The following PTN variants were observed in gnomAD, a reference collection of about 807,000 sequenced individuals.
PTN encodes the protein pleiotrophin.
A neutral mutation model predicts 24.1 loss-of-function variants in PTN; 18 were observed. The observed-to-expected ratio is 0.75, with a 90% CI of 0.52 to 1.11. PTN has a LOEUF of 1.11. Among genes scored for constraint, PTN ranks in the 50% least tolerant of loss-of-function variants. The probability of loss-of-function intolerance (pLI) is 0.00; values close to 1 mark genes in which losing one functional copy is unlikely to be tolerated. For missense variants in PTN, 163 were observed against 198.8 expected, an observed-to-expected ratio of 0.82 and a Z score of 1.08; for synonymous variants, 78 against 68.6, an observed-to-expected ratio of 1.14 and a Z score of -0.67.
intron 1 of PTN, among the ~76,000 whole-genome samples, chr7:137,332,044 C>T (rs189355251): frequency 5.9e-5 from 9 of 152,222 alleles, no homozygotes; most frequent in African/African-American, 2.2e-4. Context: ...TTACCCATAC[C>T]GAGCTAAATA....
chr7:137,280,374 C>T (rs767032844), intron 1 of PTN, among the ~76,000 whole-genome samples: 9 of 151,680 alleles, frequency 5.9e-5, no homozygotes, highest in Middle Eastern at 6.3e-3. Context: ...AAAGCATTGT[C>T]AAAATATATT....
chr7:137,232,772 T>C (rs1012335910), intron 4 of PTN, among the ~76,000 whole-genome samples: 2 of 151,914 alleles, frequency 1.3e-5, no homozygotes, highest in Admixed American at 6.6e-5. Context: ...CAGGACCAGA[T>C]GGAGGTAATT....
At chr7:137,302,686 A>G (rs867609469) in intron 1 of PTN, among the ~76,000 whole-genome samples, 3 of 151,970 alleles carry the variant, frequency 2.0e-5, no homozygotes, top group African/African-American at 7.2e-5. Context: ...TTTGTTAAGA[A>G]CAATGTAATA....
At chr7:137,257,423 G>A (rs965225912) in intron 1 of PTN, among the ~76,000 whole-genome samples, 1 of 152,204 alleles carries the variant, frequency 6.6e-6, no homozygotes, top group African/African-American at 2.4e-5. Context: ...GGTGTGAATG[G>A]TAAAAGAAGC....
chr7:137,299,929 A>C (rs1176997543), intron 1 of PTN, among the ~76,000 whole-genome samples: 1 of 151,970 alleles, frequency 6.6e-6, no homozygotes, highest in Non-Finnish European at 1.5e-5. Flanking sequence ...CCAAATACTC[A>C]AAAGTCCCCT....
At chr7:137,322,348 G>A (rs1292211512) in intron 1 of PTN, among the ~76,000 whole-genome samples, 1 of 152,058 alleles carries the variant, frequency 6.6e-6, no homozygotes, top group Non-Finnish European at 1.5e-5. Flanking sequence ...AAACATATCA[G>A]TTCATATAGT....
intron 1 of PTN, among the ~76,000 whole-genome samples, chr7:137,324,242 T>C (rs1810212651): frequency 6.6e-6 from 1 of 151,228 alleles, no homozygotes; most frequent in Non-Finnish European, 1.5e-5. Flanking sequence ...AAAATTAACA[T>C]TCTTAAGCTG....
At chr7:137,297,316 T>C (rs985588159) in intron 1 of PTN, among the ~76,000 whole-genome samples, 3 of 152,108 alleles carry the variant, frequency 2.0e-5, no homozygotes, top group African/African-American at 7.2e-5. Flanking sequence ...CCACTGTGGA[T>C]ATCTAAGACA....
At position 137,263,587 on chromosome 7, in the gene PTN, C is replaced by T. The variant is rs985765790; in HGVS notation, c.-1-8613G>A. Among the ~76,000 whole-genome samples the T allele has an allele frequency of 7.4e-4, 112 of 152,190 alleles. 1 individual carries two copies. The highest frequency in any genetic ancestry group is 2.6e-3 in the African/African-American group (110 of 41,516). On this transcript the variant is annotated intron_variant, in intron 1 of 4. Transcript: ENST00000348225. Reference sequence around the variant, plus strand: ...AGCATGTAAATGGGGGTCTGGTATCCCCATGAGCTGTCTTGTGCCTAAGTA... The same window carrying T: ...AGCATGTAAATGGGGGTCTGGTATCTCCATGAGCTGTCTTGTGCCTAAGTA...
intron 1 of PTN, among the ~76,000 whole-genome samples, chr7:137,277,107 CTT>C (rs774641107): frequency 2.6e-5 from 4 of 152,120 alleles, no homozygotes; most frequent in Admixed American, 6.5e-5. Context: ...AATAAGAACA[CTT>C]AATAAAAATC....
At chr7:137,295,264 T>C (rs1273592710) in intron 1 of PTN, among the ~76,000 whole-genome samples, 4 of 152,196 alleles carry the variant, frequency 2.6e-5, no homozygotes, top group Non-Finnish European at 5.9e-5. Flanking sequence ...GAGCTTGAAG[T>C]ATAGTAGATA....
intron 1 of PTN, among the ~76,000 whole-genome samples, chr7:137,314,547 T>C (rs1482706823): frequency 1.3e-5 from 2 of 151,710 alleles, no homozygotes; most frequent in African/African-American, 4.8e-5. Flanking sequence ...ACATTATGCC[T>C]ATTTTTATGG....
At chr7:137,330,906 G>T (rs1179523361) in intron 1 of PTN, among the ~76,000 whole-genome samples, 1 of 152,132 alleles carries the variant, frequency 6.6e-6, no homozygotes, top group African/African-American at 2.4e-5. Flanking sequence ...ATGACAGCCA[G>T]ATGGGCCATA....
chr7:137,264,046 A>G (rs921116497), intron 1 of PTN, among the ~76,000 whole-genome samples: 2 of 152,200 alleles, frequency 1.3e-5, no homozygotes, highest in Middle Eastern at 3.4e-3. Flanking sequence ...GCTTTGCAAT[A>G]TTGTCCAATA....
At chr7:137,253,005 A>G (rs945887757) in intron 3 of PTN, among the ~76,000 whole-genome samples, 1 of 152,194 alleles carries the variant, frequency 6.6e-6, no homozygotes, top group Non-Finnish European at 1.5e-5. Context: ...GAAGCAGGAG[A>G]ATAAATAAGA....
intron 1 of PTN, among the ~76,000 whole-genome samples, chr7:137,271,330 T>G (rs1809268112): frequency 6.6e-6 from 1 of 152,202 alleles, no homozygotes; most frequent in Non-Finnish European, 1.5e-5. Flanking sequence ...TGTTCTGACT[T>G]GGTAATATAG....
At chr7:137,296,775 A>G (rs929048007) in intron 1 of PTN, among the ~76,000 whole-genome samples, 5 of 152,086 alleles carry the variant, frequency 3.3e-5, no homozygotes, top group African/African-American at 1.2e-4. Flanking sequence ...ATTGCACACT[A>G]GTGAAACACA....
At chr7:137,328,287 C>T (rs187761510) in intron 1 of PTN, among the ~76,000 whole-genome samples, 45 of 152,248 alleles carry the variant, frequency 3.0e-4, no homozygotes, top group African/African-American at 1.1e-3. Flanking sequence ...ACATCAATAC[C>T]AGTCTCAAAC....
chr7:137,242,070 T>C (rs1808638026), intron 4 of PTN, among the ~76,000 whole-genome samples: 1 of 152,216 alleles, frequency 6.6e-6, no homozygotes, highest in Non-Finnish European at 1.5e-5. Flanking sequence ...GAACTTCTTT[T>C]ATCTTTAAAA....
Sources: allele counts gnomAD v4.1 joint callset (sites outside exome capture counted in the v4.1 genomes callset), GRCh38; gene constraint gnomAD v4.1.1; transcripts MANE v1.5; gene names NCBI Gene and HGNC (gene_info 2026-07-23, HGNC 2026-07-21).